SUSD6: variants seen among roughly 807,000 people sequenced by gnomAD.
SUSD6 encodes the protein sushi domain containing 6.
Under a neutral mutation model 28.4 loss-of-function variants are expected in SUSD6, and 16 were observed. That is an observed-to-expected ratio of 0.56 (90% CI 0.38 to 0.86). The LOEUF is 0.86. Among genes scored for constraint, SUSD6 ranks in the 40% least tolerant of loss-of-function variants. SUSD6 has a pLI of 0.00. For synonymous variants in SUSD6, 147 were observed against 159.6 expected (o/e 0.92, Z 0.59); for missense variants, 341 against 384.2 (o/e 0.89, Z 0.94).
chr14:69,615,010 C>G (rs1441756717), intron 1 of SUSD6, among the ~76,000 whole-genome samples: 1 of 152,186 alleles, frequency 6.6e-6, no homozygotes, highest in Admixed American at 6.5e-5. Context: ...TTCTTTCTGT[C>G]TGGACACTAT....
chr14:69,659,245 G>A (rs1168120305), intron 2 of SUSD6, among the ~76,000 whole-genome samples: 1 of 152,240 alleles, frequency 6.6e-6, no homozygotes, highest in Non-Finnish European at 1.5e-5. Flanking sequence ...TTCTCAGAAT[G>A]AGTGGGTAGT....
intron 1 of SUSD6, among the ~76,000 whole-genome samples, chr14:69,650,146 C>T (rs1885482128): frequency 6.6e-6 from 1 of 152,170 alleles, no homozygotes; most frequent in Admixed American, 6.5e-5. Context: ...CTTGTCTAAA[C>T]TAACATTGTG....
chr14:69,699,355 C>T (rs1886278955), intron 2 of SUSD6, among the ~76,000 whole-genome samples: 1 of 152,074 alleles, frequency 6.6e-6, no homozygotes, highest in African/African-American at 2.4e-5. Context: ...AGGTGTGCAT[C>T]ACCACACCTG....
At chr14:69,656,211 C>G (rs1885580825) in intron 1 of SUSD6, among the ~76,000 whole-genome samples, 1 of 136,048 alleles carries the variant, frequency 7.4e-6, no homozygotes, top group African/African-American at 2.6e-5. Context: ...CCTCTCACAT[C>G]CTTTAGGACT....
chr14:69,703,299 G>T, intron 2 of SUSD6, 96 bp from the exon 3 acceptor site: 2 of 948,096 alleles, frequency 2.1e-6, no homozygotes, highest in Non-Finnish European at 3.2e-6. Flanking sequence ...TCCTCCTCCT[G>T]TGTTTCCTGT....
At chr14:69,654,444 G>A (rs751060520) in intron 1 of SUSD6, among the ~76,000 whole-genome samples, 2 of 152,154 alleles carry the variant, frequency 1.3e-5, no homozygotes, top group East Asian at 1.9e-4. Flanking sequence ...TCATTTCTAC[G>A]TTGGAGGTGG....
chr14:69,638,917 C>G (rs191106604), intron 1 of SUSD6, among the ~76,000 whole-genome samples: 176 of 152,294 alleles, frequency 1.2e-3, no homozygotes, highest in African/African-American at 3.9e-3. Flanking sequence ...CTTCTCTGAG[C>G]TCCTTTGGTC....
intron 1 of SUSD6, among the ~76,000 whole-genome samples, chr14:69,613,622 C>A (rs1884915261): frequency 6.6e-6 from 1 of 152,252 alleles, no homozygotes; most frequent in East Asian, 1.9e-4. Context: ...CTCATGGACT[C>A]ACAGCCTTTA....
rs1016554206 is a variant in SUSD6, at chr14:69,712,780, A to G, written c.*1801A>G. The G allele has an allele frequency of 6.6e-6, 1 of 152,592 alleles. No individual in the cohort carries two copies. Among genetic ancestry groups the G allele is most frequent in the Non-Finnish European group, 1.5e-5 (1 of 68,374 alleles). 9.5% of individuals were successfully genotyped at this position (152,592 alleles called of 1,614,324 possible). On this transcript the variant is annotated 3_prime_UTR_variant, in exon 6 of 6. Transcript: ENST00000342745. ...CCTTCCTTCCTCTCAGGGTAAGGGCAGTGCCTGCTGTGCCTGTTGGCCACT... is the reference window on the plus strand; with the variant it reads ...CCTTCCTTCCTCTCAGGGTAAGGGCGGTGCCTGCTGTGCCTGTTGGCCACT...
intron 2 of SUSD6, among the ~76,000 whole-genome samples, chr14:69,695,192 C>T (rs1886207582): frequency 6.6e-6 from 1 of 152,212 alleles, no homozygotes; most frequent in Non-Finnish European, 1.5e-5. Flanking sequence ...TTAGACTTGA[C>T]TATTTGGCGG....
chr14:69,710,881 T>G, intron 5 of SUSD6, 73 bp from the exon 6 acceptor site: 1 of 1,399,832 alleles, frequency 7.1e-7, no homozygotes, highest in South Asian at 1.2e-5. Context: ...GCCCCTAAGT[T>G]GCAGTGGGGT....
At chr14:69,644,510 C>T (rs768659279) in intron 1 of SUSD6, among the ~76,000 whole-genome samples, 24 of 152,016 alleles carry the variant, frequency 1.6e-4, no homozygotes, top group Admixed American at 6.6e-5. Context: ...ATTAGCTGGG[C>T]TTGGGGGCGT....
intron 2 of SUSD6, among the ~76,000 whole-genome samples, chr14:69,669,298 G>C (rs1404814899): frequency 6.6e-6 from 1 of 151,946 alleles, no homozygotes; most frequent in African/African-American, 2.4e-5. Flanking sequence ...TCTTGACCTC[G>C]TGATCCACCT....
chr14:69,703,533 T>G lies in SUSD6; in HGVS notation c.260T>G (p.Leu87Arg). Reference protein sequence around the residue: ...GYMLKGDYKYLTCKNGEWKPA... With the variant: ...GYMLKGDYKYRTCKNGEWKPA... Reference sequence around the variant, plus strand: ...ATGTTGAAGGGCGATTACAAATACCTGACGTGTAAGAATGGCGAGTGGAAA... The same window carrying G: ...ATGTTGAAGGGCGATTACAAATACCGGACGTGTAAGAATGGCGAGTGGAAA... Residue 87 changes from leucine to arginine, a missense_variant, in exon 3 of 6, where the codon CTG (leucine) becomes CGG (arginine). Leu to Arg is a moderately radical substitution (Grantham distance 102, BLOSUM62 -2). Coordinates refer to ENST00000342745, the MANE Select transcript of SUSD6 (RefSeq NM_014734.4). 6.2e-7 allele frequency: 1 copy of G among 1,614,194 alleles called. No individual in the cohort carries two copies. Among genetic ancestry groups the G allele is most frequent in the Non-Finnish European group, 8.5e-7 (1 of 1,180,028 alleles).
chr14:69,706,354 T>C (rs1005262319), intron 4 of SUSD6, among the ~76,000 whole-genome samples: 4 of 152,238 alleles, frequency 2.6e-5, no homozygotes, highest in African/African-American at 9.6e-5. Context: ...TTGGTTTTCA[T>C]TGTAGACCCC....
At chr14:69,667,974 G>A (rs932023824) in intron 2 of SUSD6, among the ~76,000 whole-genome samples, 1 of 152,198 alleles carries the variant, frequency 6.6e-6, no homozygotes, top group African/African-American at 2.4e-5. Context: ...CACACGCATT[G>A]TGGGAAAGGT....
intron 1 of SUSD6, among the ~76,000 whole-genome samples, chr14:69,647,998 C>A (rs919459586): frequency 6.6e-6 from 1 of 151,998 alleles, no homozygotes; most frequent in African/African-American, 2.4e-5. Context: ...AATAAAGAAT[C>A]AGGATATCAG....
intron 1 of SUSD6, among the ~76,000 whole-genome samples, chr14:69,638,620 C>T (rs1426032527): frequency 6.6e-6 from 1 of 152,168 alleles, no homozygotes; most frequent in Non-Finnish European, 1.5e-5. Flanking sequence ...GGGAACCTTA[C>T]TAAAATGCAG....
intron 2 of SUSD6, among the ~76,000 whole-genome samples, chr14:69,678,037 A>G (rs1222491071): frequency 1.3e-5 from 2 of 152,138 alleles, no homozygotes; most frequent in Non-Finnish European, 2.9e-5. Context: ...CATCATTCCA[A>G]CCATTTCTGT....
Sources: gnomAD v4.1 joint callset for allele counts (sites outside exome capture counted in the v4.1 genomes callset) on GRCh38, gnomAD v4.1.1 for gene constraint, MANE v1.5 for transcripts, NCBI Gene and HGNC (gene_info 2026-07-23, HGNC 2026-07-21) for gene names.